The following CACNA2D3 variants were observed in gnomAD, a reference collection of about 807,000 sequenced individuals.
CACNA2D3 encodes voltage-dependent calcium channel subunit alpha-2/delta-3.
In CACNA2D3, 60 loss-of-function variants were observed where a neutral mutation model predicts 160.6. That is an observed-to-expected ratio of 0.37 (90% confidence interval 0.30 to 0.46). CACNA2D3 has a LOEUF of 0.46. CACNA2D3 is among the 20% of genes least tolerant of loss of function. The pLI, the probability that CACNA2D3 is intolerant of heterozygous loss-of-function variation, is 1.00. For synonymous variants in CACNA2D3, 558 were observed against 492.9 expected, an observed-to-expected ratio of 1.13 and a Z score of -1.75; for missense variants, 1,205 against 1,365.0, an observed-to-expected ratio of 0.88 and a Z score of 1.85.
chr3:54,796,549 G>T (rs1352780433), intron 13 of CACNA2D3, among the ~76,000 whole-genome samples: 2 of 152,214 alleles, frequency 1.3e-5, no homozygotes, highest in Admixed American at 6.5e-5. Flanking sequence ...AAAACAATAT[G>T]TAAGAGAATG....
chr3:54,435,942 A>G (rs190133658), intron 4 of CACNA2D3, among the ~76,000 whole-genome samples: 1 of 152,356 alleles, frequency 6.6e-6, no homozygotes, highest in African/African-American at 2.4e-5. Context: ...ACCAAAATTA[A>G]GAAAAAACCT....
At chr3:54,935,899 G>A (rs1185887679) in intron 27 of CACNA2D3, among the ~76,000 whole-genome samples, 1 of 152,174 alleles carries the variant, frequency 6.6e-6, no homozygotes. Flanking sequence ...GACTTAGATT[G>A]TAGCCCACAT....
intron 2 of CACNA2D3, among the ~76,000 whole-genome samples, chr3:54,267,081 G>GA (rs940036670): frequency 3.9e-5 from 6 of 152,130 alleles, no homozygotes; most frequent in African/African-American, 7.2e-5. Flanking sequence ...GAGGCAGTGA[G>GA]AAAAAAATAC....
rs570248063 is a variant in CACNA2D3, at chr3:54,920,467, T to A, written c.2449+20599T>A. The stretch of plus-strand genomic sequence containing the variant: ...CTCTAGCAATCCTTTGAGGAAACAG[T>A]CCTCACCCTAAAGCAGAAAGATAAA... On this transcript the variant is annotated intron_variant, in intron 27 of 37. Coordinates refer to ENST00000474759, the MANE Select transcript of CACNA2D3 (RefSeq NM_018398.3). Among the ~76,000 whole-genome samples the A allele has an allele frequency of 5.9e-5, 9 of 152,288 alleles. No individual in the cohort carries two copies. The South Asian group carries it at 1.9e-3, about 32-fold the overall frequency.
In CACNA2D3 at chr3:54,928,126, A is replaced by G. The variant is rs569575736; in HGVS notation, c.2449+28258A>G. The G allele has an allele frequency of 4.5e-4, 253 of 557,706 alleles. 2 individuals carry two copies. The East Asian group carries it at 7.2e-3, about 16-fold the overall frequency. 34.5% of individuals were successfully genotyped at this position (557,706 alleles called of 1,614,324 possible). A position where few individuals can be genotyped will look rare whatever the true frequency, so the allele number is the denominator to read the frequency against. On this transcript the variant is annotated intron_variant, in intron 27 of 37. Transcript: ENST00000474759. ...CCCTTGTCTCCATCTGGCTGGGATC[A>G]GTTTCCATAAGAGGATCTTGGGATC...
intron 11 of CACNA2D3, among the ~76,000 whole-genome samples, chr3:54,750,658 A>G (rs573177616): frequency 1.3e-5 from 2 of 152,274 alleles, no homozygotes; most frequent in South Asian, 2.1e-4. Context: ...TCTCCCCTCA[A>G]TCAGAGATTC....
chr3:54,311,859 T>C (rs1703750751), intron 2 of CACNA2D3, among the ~76,000 whole-genome samples: 1 of 152,218 alleles, frequency 6.6e-6, no homozygotes, highest in African/African-American at 2.4e-5. Context: ...AGTTTCTTTT[T>C]TGTATTGGCA....
chr3:54,649,461 T>G (rs1699717338), intron 11 of CACNA2D3, among the ~76,000 whole-genome samples: 1 of 152,236 alleles, frequency 6.6e-6, no homozygotes, highest in African/African-American at 2.4e-5. Flanking sequence ...CTCAGTCAGC[T>G]TGCGCTGCTA....
At chr3:55,036,789 C>T (rs915663453) in intron 35 of CACNA2D3, among the ~76,000 whole-genome samples, 3 of 152,164 alleles carry the variant, frequency 2.0e-5, no homozygotes, top group Admixed American at 2.0e-4. Flanking sequence ...AAGACAGTCA[C>T]TATGAGCAAA....
chr3:54,968,323 T>C, intron 27 of CACNA2D3, 127 bp from the exon 28 acceptor site: 1 of 655,822 alleles, frequency 1.5e-6, no homozygotes, highest in Non-Finnish European at 2.7e-6. Flanking sequence ...AGTTGTATGC[T>C]TCACTGTACA....
At chr3:54,866,483 G>A (rs1699403317) in intron 17 of CACNA2D3, among the ~76,000 whole-genome samples, 1 of 152,134 alleles carries the variant, frequency 6.6e-6, no homozygotes, top group Admixed American at 6.5e-5. Flanking sequence ...TGTCCAGATG[G>A]CATTAGCTTT....
chr3:55,064,451 G>A (rs1271497343), intron 35 of CACNA2D3, among the ~76,000 whole-genome samples: 1 of 152,020 alleles, frequency 6.6e-6, no homozygotes, highest in African/African-American at 2.4e-5. Flanking sequence ...TGCAGGAGGG[G>A]AATAGGTAGC....
At chr3:54,865,472 C>T (rs1402822093) in intron 17 of CACNA2D3, among the ~76,000 whole-genome samples, 1 of 152,190 alleles carries the variant, frequency 6.6e-6, no homozygotes, top group Admixed American at 6.5e-5. Flanking sequence ...GCCACTGGGG[C>T]TGCCTTTCCC....
intron 2 of CACNA2D3, among the ~76,000 whole-genome samples, chr3:54,312,305 A>G (rs1703759979): frequency 6.6e-6 from 1 of 152,160 alleles, no homozygotes; most frequent in Admixed American, 6.5e-5. Flanking sequence ...TGATGAGAAA[A>G]TCTAGCCAAG....
intron 13 of CACNA2D3, among the ~76,000 whole-genome samples, chr3:54,805,270 T>C (rs544993323): frequency 6.6e-6 from 1 of 152,312 alleles, no homozygotes; most frequent in East Asian, 1.9e-4. Flanking sequence ...GGAGCTGGTT[T>C]TTTGAAAGGA....
chr3:54,756,259 C>T (rs542031420), intron 12 of CACNA2D3, among the ~76,000 whole-genome samples: 16 of 152,264 alleles, frequency 1.1e-4, no homozygotes, highest in African/African-American at 3.6e-4. Flanking sequence ...CTTCCTCATT[C>T]TGCTTCTATG....
intron 3 of CACNA2D3, among the ~76,000 whole-genome samples, chr3:54,322,058 A>G (rs1050797700): frequency 4.6e-5 from 7 of 152,196 alleles, no homozygotes; most frequent in Admixed American, 3.9e-4. Flanking sequence ...TTCTGCTTCT[A>G]CAATTGACAA....
intron 11 of CACNA2D3, among the ~76,000 whole-genome samples, chr3:54,661,495 C>A (rs1345817184): frequency 1.3e-5 from 2 of 151,948 alleles, no homozygotes; most frequent in Non-Finnish European, 2.9e-5. Context: ...TACCTTAACC[C>A]TCCTAAAGTA....
intron 23 of CACNA2D3, 140 bp downstream of exon 23, chr3:54,885,726 T>C (rs1457251610): frequency 1.5e-6 from 1 of 651,894 alleles, no homozygotes; most frequent in Non-Finnish European, 2.8e-6. Flanking sequence ...ATCAAATATC[T>C]GCTTCCTGTA....
Sources: gnomAD v4.1 joint callset for allele counts (sites outside exome capture counted in the v4.1 genomes callset) on GRCh38, gnomAD v4.1.1 for gene constraint, MANE v1.5 for transcripts, NCBI Gene and HGNC (gene_info 2026-07-23, HGNC 2026-07-21) for gene names.